The following SUGCT variants were observed in gnomAD, a reference collection of about 807,000 sequenced individuals.
SUGCT encodes the protein succinyl-CoA:glutarate CoA-transferase.
SUGCT carries 41 observed loss-of-function variants against 55.0 expected under a neutral mutation model. The observed-to-expected ratio is 0.74, with a 90% CI of 0.58 to 0.97. The LOEUF (loss-of-function observed/expected upper bound fraction) is 0.97. Among genes scored for constraint, SUGCT ranks in the 50% least tolerant of loss-of-function variants. The pLI is 0.00. For missense variants in SUGCT, 568 were observed against 547.8 expected (o/e 1.04, Z -0.37); for synonymous variants, 187 against 200.4 (o/e 0.93, Z 0.56).
Position 40,384,840 on chromosome 7 carries a change from C to T in SUGCT, c.817-64447C>T, listed in dbSNP as rs79436028. Among the ~76,000 whole-genome samples, 122 of 152,108 alleles carry T rather than the reference C, an allele frequency of 8.0e-4. No homozygotes were observed. The East Asian group carries it at 0.016, about 19-fold the overall frequency. The stretch of plus-strand genomic sequence containing the variant: ...GATTACAGGCATGAGCCACTGTGCC[C>T]GGCTCCCTCAGTCATTCATTCTACA... On this transcript the variant is annotated intron_variant, in intron 9 of 13. Transcript: ENST00000335693.
the SUGCT span, among the ~76,000 whole-genome samples, chr7:40,943,380 T>C: frequency 6.7e-6 from 1 of 149,248 alleles, no homozygotes; most frequent in African/African-American, 2.5e-5. Context: ...GCCGCACCCA[T>C]TAACTCGTCA....
intron 12 of SUGCT, among the ~76,000 whole-genome samples, chr7:40,543,019 C>T (rs1794785100): frequency 6.6e-6 from 1 of 152,218 alleles, no homozygotes; most frequent in Non-Finnish European, 1.5e-5. Context: ...TAGAAAGTGA[C>T]ATTTGTGACA....
intron 7 of SUGCT, among the ~76,000 whole-genome samples, chr7:40,265,255 T>TA (rs995062926): frequency 6.6e-6 from 1 of 152,140 alleles, no homozygotes; most frequent in Non-Finnish European, 1.5e-5. Context: ...GCCAACTACT[T>TA]AAAAAAAGTT....
intron 9 of SUGCT, among the ~76,000 whole-genome samples, chr7:40,366,647 A>T (rs1176395055): frequency 6.6e-6 from 1 of 152,204 alleles, no homozygotes; most frequent in Non-Finnish European, 1.5e-5. Context: ...TTATGCAGCC[A>T]AAAGACACAT....
chr7:40,978,780 C>G, the SUGCT span, among the ~76,000 whole-genome samples: 2 of 152,092 alleles, frequency 1.3e-5, no homozygotes, highest in Non-Finnish European at 2.9e-5. Flanking sequence ...CAAAGGGGCA[C>G]TGGAGTGGAG....
chr7:40,332,694 C>T (rs906391353), intron 9 of SUGCT, among the ~76,000 whole-genome samples: 2 of 152,024 alleles, frequency 1.3e-5, no homozygotes, highest in Non-Finnish European at 2.9e-5. Context: ...GTTTGTTCAG[C>T]AAACATAATG....
intron 12 of SUGCT, among the ~76,000 whole-genome samples, chr7:40,659,769 C>A (rs1021686319): frequency 5.9e-5 from 9 of 152,144 alleles, no homozygotes; most frequent in African/African-American, 9.7e-5. Flanking sequence ...CACTGAGAGC[C>A]CTCGAATTTA....
intron 1 of SUGCT, among the ~76,000 whole-genome samples, chr7:40,157,497 T>G (rs1377824743): frequency 6.6e-6 from 1 of 152,208 alleles, no homozygotes; most frequent in Non-Finnish European, 1.5e-5. Flanking sequence ...CTCCAGAAAC[T>G]TTGTGTTTAC....
At chr7:40,809,533 G>C (rs2128756189) in intron 13 of SUGCT, among the ~76,000 whole-genome samples, 1 of 152,166 alleles carries the variant, frequency 6.6e-6, no homozygotes, top group Non-Finnish European at 1.5e-5. Context: ...ACCTAGTATG[G>C]TTAAAGAAGT....
chr7:40,259,650 T>G (rs1024328623), intron 7 of SUGCT, among the ~76,000 whole-genome samples: 10 of 152,344 alleles, frequency 6.6e-5, no homozygotes, highest in African/African-American at 2.4e-4. Flanking sequence ...TGCTGTAATT[T>G]GTAGTCTTAT....
At chr7:40,788,788 C>T (rs558058240) in intron 13 of SUGCT, among the ~76,000 whole-genome samples, 1 of 152,366 alleles carries the variant, frequency 6.6e-6, no homozygotes, top group South Asian at 2.1e-4. Context: ...ACTGCATCCT[C>T]CTGGCCAGAG....
At chr7:40,432,548 T>C (rs1472050905) in intron 9 of SUGCT, among the ~76,000 whole-genome samples, 1 of 152,006 alleles carries the variant, frequency 6.6e-6, no homozygotes, top group Non-Finnish European at 1.5e-5. Context: ...TAGCTGGGTA[T>C]GGTGGTGGGC....
Position 40,710,570 on chromosome 7 carries a change from G to A in SUGCT, c.1090-38864G>A, listed in dbSNP as rs558781438. On this transcript the variant is annotated intron_variant, in intron 12 of 13. Coordinates refer to ENST00000335693, the MANE Select transcript of SUGCT (RefSeq NM_001193313.2). The stretch of plus-strand genomic sequence containing the variant: ...ATAAAAAGGGTAGTTTTAAAGATGT[G>A]TGTGTCTGTGTGTGTGCAAGCAGGA... Among the ~76,000 whole-genome samples the A allele has an allele frequency of 5.3e-5, 8 of 152,216 alleles. 1 individual carries two copies. The South Asian group carries it at 1.7e-3, about 32-fold the overall frequency.
At chr7:40,449,638 T>C (rs1182514828) in intron 10 of SUGCT, among the ~76,000 whole-genome samples, 1 of 152,118 alleles carries the variant, frequency 6.6e-6, no homozygotes, top group Non-Finnish European at 1.5e-5. Context: ...TAGAGGGACC[T>C]TTAACACTGG....
intron 10 of SUGCT, among the ~76,000 whole-genome samples, chr7:40,454,875 A>G (rs1289014110): frequency 6.6e-6 from 1 of 152,190 alleles, no homozygotes; most frequent in Non-Finnish European, 1.5e-5. Flanking sequence ...TTTTTCATTT[A>G]CAGAAGGTAA....
the SUGCT span, among the ~76,000 whole-genome samples, chr7:40,998,362 ACT>A: frequency 6.6e-6 from 1 of 150,722 alleles, no homozygotes; most frequent in African/African-American, 2.5e-5. Context: ...ACAGAGTAAG[ACT>A]CTGAAAAAAA....
intron 12 of SUGCT, among the ~76,000 whole-genome samples, chr7:40,524,031 A>G (rs1793687173): frequency 6.6e-6 from 1 of 152,114 alleles, no homozygotes; most frequent in Admixed American, 6.6e-5. Context: ...GAATCTTTCT[A>G]TAGTAGCATG....
chr7:40,317,732 C>T lies in SUGCT; in HGVS notation c.816+877C>T, dbSNP rs75468636. Among the ~76,000 whole-genome samples, 566 of 152,286 alleles carry T rather than the reference C, an allele frequency of 3.7e-3. 3 individuals are homozygous for T. The highest frequency in any genetic ancestry group is 0.012 in the African/African-American group (516 of 41,542). On this transcript the variant is annotated intron_variant, in intron 9 of 13. Transcript: ENST00000335693. Reference sequence around the variant, plus strand: ...AAATTCATCAACCCTGCTAATCATCCTTTTAGCTTTAAGACATTATTTCCT... The same window carrying T: ...AAATTCATCAACCCTGCTAATCATCTTTTTAGCTTTAAGACATTATTTCCT...
intron 9 of SUGCT, among the ~76,000 whole-genome samples, chr7:40,440,850 C>A (rs1307063376): frequency 6.6e-6 from 1 of 151,870 alleles, no homozygotes. Flanking sequence ...CCCAGCGACT[C>A]AGGAGGCTAT....
Sources: gnomAD v4.1 joint callset for allele counts (sites outside exome capture counted in the v4.1 genomes callset) on GRCh38, gnomAD v4.1.1 for gene constraint, MANE v1.5 for transcripts, NCBI Gene and HGNC (gene_info 2026-07-23, HGNC 2026-07-21) for gene names.